The following CCSER1 variants were observed in gnomAD, a reference collection of about 807,000 sequenced individuals.
CCSER1 encodes serine-rich coiled-coil domain-containing protein 1.
A neutral mutation model predicts 82.0 loss-of-function variants in CCSER1; 41 were observed. The observed-to-expected ratio is 0.50, with a 90% CI of 0.39 to 0.65. CCSER1 has a LOEUF of 0.65. Ranked by LOEUF, CCSER1 falls within the 30% of genes least tolerant of loss-of-function variation. The pLI, the probability that CCSER1 is intolerant of heterozygous loss-of-function variation, is 0.00. For missense variants in CCSER1, 1,119 were observed against 1,064.2 expected (o/e 1.05, Z -0.72); for synonymous variants, 414 against 383.9 (o/e 1.08, Z -0.92).
At chr4:90,887,305 G>A (rs896967452) in intron 8 of CCSER1, among the ~76,000 whole-genome samples, 2 of 152,224 alleles carry the variant, frequency 1.3e-5, no homozygotes. Flanking sequence ...GAAAGATGCT[G>A]TATCTTTTTT....
At chr4:91,281,461 C>T (rs556831404) in intron 10 of CCSER1, among the ~76,000 whole-genome samples, 1 of 152,198 alleles carries the variant, frequency 6.6e-6, no homozygotes, top group East Asian at 1.9e-4. Flanking sequence ...GCCACATGTA[C>T]AAAGTGCAAT....
At chr4:91,388,509 A>G (rs1751446553) in intron 10 of CCSER1, among the ~76,000 whole-genome samples, 1 of 152,108 alleles carries the variant, frequency 6.6e-6, no homozygotes, top group African/African-American at 2.4e-5. Flanking sequence ...ATATAATTTT[A>G]CATTCCCATC....
Position 91,179,716 on chromosome 4 carries a change from A to G in CCSER1, c.2217+93722A>G, listed in dbSNP as rs1037977342. On this transcript the variant is annotated intron_variant, in intron 10 of 10. Transcript: ENST00000509176. ...TTAGCCATTCATCTAATCTTTTTCAAGGTTTTTAGCTTCTTTGCGATGGGT... is the reference window on the plus strand; with the variant it reads ...TTAGCCATTCATCTAATCTTTTTCAGGGTTTTTAGCTTCTTTGCGATGGGT... Among the ~76,000 whole-genome samples the G allele has an allele frequency of 2.6e-5, 4 of 152,242 alleles. No homozygotes were observed. The South Asian group carries it at 8.3e-4, about 32-fold the overall frequency.
chr4:90,583,050 T>G (rs1781583490), intron 5 of CCSER1, among the ~76,000 whole-genome samples: 1 of 152,212 alleles, frequency 6.6e-6, no homozygotes, highest in African/African-American at 2.4e-5. Flanking sequence ...GGGTTAATAT[T>G]TCTTGTTTTC....
At chr4:91,059,314 A>ATATATATACATATATTGTATATATATGTG in intron 9 of CCSER1, among the ~76,000 whole-genome samples, 1 of 143,970 alleles carries the variant, frequency 6.9e-6, no homozygotes, top group Non-Finnish European at 1.5e-5. Flanking sequence ...ATACGTGTAT[A>ATATATATACATATATTGTATATATATGTG]TATATATACA....
chr4:91,468,292 G>A (rs895502550), intron 10 of CCSER1, among the ~76,000 whole-genome samples: 3 of 152,100 alleles, frequency 2.0e-5, no homozygotes, highest in Non-Finnish European at 4.4e-5. Flanking sequence ...TCATAGGTGG[G>A]AATTGAACAA....
At chr4:90,831,156 T>G (rs1479545359) in intron 8 of CCSER1, among the ~76,000 whole-genome samples, 2 of 152,086 alleles carry the variant, frequency 1.3e-5, no homozygotes, top group Non-Finnish European at 2.9e-5. Flanking sequence ...CTACACTACC[T>G]TTGCTGAAGA....
chr4:90,277,574 G>A (rs1728064343), intron 1 of CCSER1, among the ~76,000 whole-genome samples: 1 of 152,100 alleles, frequency 6.6e-6, no homozygotes, highest in Admixed American at 6.6e-5. Context: ...ATTAAGCAAT[G>A]AGGAAAAGAC....
At position 90,233,387 on chromosome 4, in the gene CCSER1, A is replaced by G. The variant is rs1171831670; in HGVS notation, c.-41-74857A>G. On this transcript the variant is annotated intron_variant, in intron 1 of 10. Transcript: ENST00000509176. Reference sequence around the variant, plus strand: ...CTATCACAAGAACAAAAAACCCAACACCGCATATTCTCACTCATAGGTGGG... The same window carrying G: ...CTATCACAAGAACAAAAAACCCAACGCCGCATATTCTCACTCATAGGTGGG... Among the ~76,000 whole-genome samples, 4 of 151,872 alleles carry G rather than the reference A, an allele frequency of 2.6e-5. No homozygotes were observed. The East Asian group carries it at 7.8e-4, about 29-fold the overall frequency.
intron 7 of CCSER1, among the ~76,000 whole-genome samples, chr4:90,759,206 A>G (rs1416838137): frequency 6.6e-6 from 1 of 152,190 alleles, no homozygotes; most frequent in Non-Finnish European, 1.5e-5. Flanking sequence ...AATAAGCTCA[A>G]TTATGACACA....
intron 10 of CCSER1, among the ~76,000 whole-genome samples, chr4:91,514,768 A>G (rs1760010855): frequency 6.6e-6 from 1 of 152,212 alleles, no homozygotes; most frequent in African/African-American, 2.4e-5. Context: ...GAGAACCATG[A>G]GAGCTGATGG....
intron 5 of CCSER1, among the ~76,000 whole-genome samples, chr4:90,520,314 C>A (rs1433370209): frequency 6.6e-6 from 1 of 151,572 alleles, no homozygotes. Flanking sequence ...TTGAAAAATA[C>A]TAAGAAAATA....
intron 10 of CCSER1, among the ~76,000 whole-genome samples, chr4:91,196,659 T>G (rs1735462152): frequency 6.6e-6 from 1 of 152,206 alleles, no homozygotes; most frequent in Non-Finnish European, 1.5e-5. Context: ...AATTGATCAT[T>G]TGGTGATTTG....
At position 91,600,826 on chromosome 4, in the gene CCSER1, A is replaced by G. The variant is rs1037921052; in HGVS notation, c.*1769A>G. The G allele has an allele frequency of 6.6e-6, 1 of 152,144 alleles. No homozygotes were observed. Among genetic ancestry groups the G allele is most frequent in the African/African-American group, 2.4e-5 (1 of 41,440 alleles). The allele number at this position is 152,144 out of a possible 1,614,324, so 9.4% of individuals were successfully genotyped here. ...ATGTTTTCTTTCTTTGCGTGTTTGT[A>G]ATTCTGCCAAAAGAGAACAATATAC... On this transcript the variant is annotated 3_prime_UTR_variant, in exon 11 of 11. Coordinates refer to ENST00000509176, the MANE Select transcript of CCSER1 (RefSeq NM_001145065.2).
chr4:90,542,014 A>C (rs753916409), intron 5 of CCSER1, among the ~76,000 whole-genome samples: 1 of 152,030 alleles, frequency 6.6e-6, no homozygotes, highest in Admixed American at 6.6e-5. Flanking sequence ...GTATGATTTC[A>C]TAAAATTGTA....
chr4:91,136,880 A>AT lies in CCSER1; in HGVS notation c.2217+50889dup, dbSNP rs1261886610. 2.0e-5 allele frequency among the ~76,000 whole-genome samples: 3 copies of AT among 152,166 alleles called. No homozygotes were observed. In the East Asian group the frequency reaches 5.8e-4, roughly 29 times the overall value. On this transcript the variant is annotated intron_variant, in intron 10 of 10. Coordinates refer to ENST00000509176, the MANE Select transcript of CCSER1 (RefSeq NM_001145065.2). ...CATTTTTACTGGCTATGACACACAC[A>AT]TTTGTGCTGAAATAATTTGATTTTA...
intron 5 of CCSER1, among the ~76,000 whole-genome samples, chr4:90,534,441 TTGTGTG>T (rs376987549): frequency 0.032 from 4,376 of 136,448 alleles, 163 homozygotes; most frequent in African/African-American, 0.089. Flanking sequence ...TGCCAGCCTT[TTGTGTG>T]TGTGTGTGTG....
chr4:90,444,779 C>T (rs898240750), intron 4 of CCSER1, among the ~76,000 whole-genome samples: 6 of 151,944 alleles, frequency 3.9e-5, no homozygotes, highest in Non-Finnish European at 7.4e-5. Flanking sequence ...TATAGTATTT[C>T]GACAATACCT....
At chr4:90,311,238 A>G (rs991223539) in intron 2 of CCSER1, among the ~76,000 whole-genome samples, 3 of 152,150 alleles carry the variant, frequency 2.0e-5, no homozygotes, top group Admixed American at 2.0e-4. Context: ...AAAAAGAGAT[A>G]GAAATGCAAT....
Sources: allele counts gnomAD v4.1 joint callset (sites outside exome capture counted in the v4.1 genomes callset), GRCh38; gene constraint gnomAD v4.1.1; transcripts MANE v1.5; gene names NCBI Gene and HGNC (gene_info 2026-07-23, HGNC 2026-07-21).